Variants in TP53I13 observed in about 807,000 individuals in gnomAD.
TP53I13 encodes the protein tumor protein p53 inducible protein 13, also known as tumor protein p53-inducible protein 13.
A neutral mutation model predicts 39.1 loss-of-function variants in TP53I13; 27 were observed. The observed-to-expected ratio is 0.69, with a 90% confidence interval of 0.51 to 0.95. The LOEUF (loss-of-function observed/expected upper bound fraction) is 0.95. Ranked by LOEUF, TP53I13 falls within the 40% of genes least tolerant of loss-of-function variation. The probability of loss-of-function intolerance (pLI) is 0.00; values close to 1 mark genes in which losing one functional copy is unlikely to be tolerated. For missense variants in TP53I13, 544 were observed against 520.4 expected, an observed-to-expected ratio of 1.05 and a Z score of -0.44; for synonymous variants, 230 against 224.6, an observed-to-expected ratio of 1.02 and a Z score of -0.22.
chr17:29,578,317 G>A, the TP53I13 span: 1 of 1,613,936 alleles, frequency 6.2e-7, no homozygotes, highest in Non-Finnish European at 8.5e-7. Flanking sequence ...TTTTCTCTTC[G>A]ATCCACCTCG....
downstream of TP53I13, chr17:29,576,522 C>T (rs755271870): frequency 6.2e-7 from 1 of 1,613,842 alleles, no homozygotes; most frequent in Non-Finnish European, 8.5e-7. Context: ...GCACCCTCAC[C>T]TCTCGCTGCA....
chr17:29,572,316 T>C lies in TP53I13; in HGVS notation c.688T>C (p.Leu230=). The part of the protein sequence containing the change: ...LRFPSASPGS[L]KAKQSMAGIP... ...GTTTCCCTCTGCTTCCCCAGGGAGC[T>C]TGAAGGCCAAGCAGTCCATGGCGGG... Residue 230 remains leucine, a synonymous_variant, in exon 6 of 7, where the codon TTG becomes CTG. Coordinates refer to ENST00000301057, the MANE Select transcript of TP53I13 (RefSeq NM_138349.4). 1.2e-6 allele frequency: 2 copies of C among 1,612,712 alleles called. No individual in the cohort carries two copies. Among genetic ancestry groups the C allele is most frequent in the South Asian group, 1.1e-5 (1 of 91,072 alleles).
chr17:29,578,971 A>G, the TP53I13 span: 2 of 1,613,934 alleles, frequency 1.2e-6, no homozygotes, highest in Non-Finnish European at 8.5e-7. Flanking sequence ...CCTCTGAGAC[A>G]TGCACTTTTG....
the TP53I13 span, among the ~76,000 whole-genome samples, chr17:29,580,181 T>G: frequency 6.6e-6 from 1 of 152,228 alleles, no homozygotes; most frequent in Admixed American, 6.5e-5. Flanking sequence ...GCTGCCTCTG[T>G]GCTCCCAGTG....
chr17:29,575,912 C>T, downstream of TP53I13: 1 of 1,599,122 alleles, frequency 6.3e-7, no homozygotes. This position sits in a 1 kb window ranked among gnomAD's most constrained non-coding sequence, Gnocchi z 5.5. Flanking sequence ...AAACCCAGGG[C>T]AGCGCTGGAT....
downstream of TP53I13, chr17:29,574,136 A>C (rs1215857988): frequency 6.6e-6 from 1 of 152,474 alleles, no homozygotes; most frequent in Non-Finnish European, 1.5e-5. Flanking sequence ...AAGAAAAAAA[A>C]AAAACAGACT....
the TP53I13 span, chr17:29,581,481 G>A: frequency 2.2e-5 from 22 of 993,422 alleles, no homozygotes; most frequent in Non-Finnish European, 3.4e-5. This position sits in a 1 kb window ranked among gnomAD's most constrained non-coding sequence, Gnocchi z 4.8. Flanking sequence ...ACCCAGAAGT[G>A]TCAGGGGAAA....
chr17:29,571,656 C>G lies in TP53I13; in HGVS notation c.249C>G (p.Leu83=), dbSNP rs1477804228. The part of the protein sequence containing the change: ...AHPWLKLQLA[L]LAYACMANPS... ...CCTGGCTGAAGCTCCAGCTTGCCCT[C>G]CTGGCCTATGCTTGTATGGCTAACC... Residue 83 remains leucine, a synonymous_variant, in exon 4 of 7, where the codon CTC becomes CTG. Coordinates refer to ENST00000301057, the MANE Select transcript of TP53I13 (RefSeq NM_138349.4). 1.2e-6 allele frequency: 2 copies of G among 1,614,064 alleles called. No individual in the cohort carries two copies. The highest frequency in any genetic ancestry group is 1.7e-6 in the Non-Finnish European group (2 of 1,180,034).
chr17:29,575,883 A>T (rs1302216816), downstream of TP53I13: 2 of 1,609,650 alleles, frequency 1.2e-6, no homozygotes, highest in South Asian at 2.2e-5. The surrounding 1 kb of genome is among the most constrained non-coding windows in gnomAD (Gnocchi z 5.5). Flanking sequence ...GCTGAGGCAG[A>T]CACCCCTTTC....
chr17:29,576,768 C>G, downstream of TP53I13: 1 of 1,578,308 alleles, frequency 6.3e-7, no homozygotes, highest in Non-Finnish European at 8.6e-7. Context: ...GCCCACCTGT[C>G]CCTCAGGCCC....
At chr17:29,581,717 C>T in the TP53I13 span, 1 of 1,589,024 alleles carries the variant, frequency 6.3e-7, no homozygotes, top group Non-Finnish European at 8.6e-7. This position sits in a 1 kb window ranked among gnomAD's most constrained non-coding sequence, Gnocchi z 4.8. Context: ...CTGTCACAGC[C>T]AGGCGCCCCC....
chr17:29,575,963 G>A, downstream of TP53I13: 1 of 1,515,390 alleles, frequency 6.6e-7, no homozygotes, highest in Non-Finnish European at 9.1e-7. This position sits in a 1 kb window ranked among gnomAD's most constrained non-coding sequence, Gnocchi z 5.5. Flanking sequence ...CACCAGCAGT[G>A]CAGCAGGGAC....
At chr17:29,578,810 G>A in the TP53I13 span, 2 of 1,609,642 alleles carry the variant, frequency 1.2e-6, no homozygotes, top group Non-Finnish European at 1.7e-6. Flanking sequence ...GAATTGGGAG[G>A]AGAGGAGAGA....
downstream of TP53I13, chr17:29,575,967 C>G (rs770211048): frequency 2.0e-5 from 31 of 1,533,288 alleles, no homozygotes; most frequent in Non-Finnish European, 2.7e-5. The surrounding 1 kb of genome is among the most constrained non-coding windows in gnomAD (Gnocchi z 5.5). Flanking sequence ...AGCAGTGCAG[C>G]AGGGACCAGG....
Position 29,568,939 on chromosome 17 carries a change from C to A in TP53I13, c.73-79C>A. 1 of 1,594,054 alleles carries A rather than the reference C, an allele frequency of 6.3e-7. No homozygotes were observed. The highest frequency in any genetic ancestry group is 2.2e-5 in the East Asian group (1 of 44,448). On this transcript the variant is annotated intron_variant, in intron 1 of 6. Coordinates refer to ENST00000301057, the MANE Select transcript of TP53I13 (RefSeq NM_138349.4). This position sits in a 1 kb window ranked among gnomAD's most constrained non-coding sequence, Gnocchi z 4.5. ...CCGAGGGGGACGCGGAGTTCTTCCG[C>A]TGGCGGGCTGGGCCTGGGGAGAGAG...
chr17:29,576,074 T>G (rs1378291347), downstream of TP53I13: 1 of 1,613,484 alleles, frequency 6.2e-7, no homozygotes. Flanking sequence ...TTCCCCAGGC[T>G]TACCCGGTAA....
At chr17:29,581,728 C>A in the TP53I13 span, 1 of 1,604,112 alleles carries the variant, frequency 6.2e-7, no homozygotes, top group Non-Finnish European at 8.5e-7. The surrounding 1 kb of genome is among the most constrained non-coding windows in gnomAD (Gnocchi z 4.8). Flanking sequence ...AGGCGCCCCC[C>A]AAGCTCTGCT....
At chr17:29,578,921 A>G in the TP53I13 span, 1 of 1,607,630 alleles carries the variant, frequency 6.2e-7, no homozygotes, top group Non-Finnish European at 8.5e-7. Flanking sequence ...TCCCCGCCCT[A>G]CCCCACCTTC....
chr17:29,577,639 C>T (rs764637613), downstream of TP53I13: 3 of 1,582,726 alleles, frequency 1.9e-6, no homozygotes, highest in Non-Finnish European at 2.6e-6. Context: ...AATCCAGCCC[C>T]CTCACCTGAT....
Sources: allele counts gnomAD v4.1 joint callset (sites outside exome capture counted in the v4.1 genomes callset), GRCh38; gene constraint gnomAD v4.1.1; non-coding constraint Gnocchi (gnomAD v3.1); transcripts MANE v1.5; gene names NCBI Gene and HGNC (gene_info 2026-07-23, HGNC 2026-07-21).